Variants in PPARD observed in about 807,000 individuals in gnomAD.
PPARD encodes peroxisome proliferator-activated receptor delta.
PPARD carries 6 observed loss-of-function variants against 39.5 expected under a neutral mutation model. The observed-to-expected ratio is 0.15, with a 90% CI of 0.08 to 0.30. PPARD has a LOEUF of 0.30. Ranked by LOEUF, PPARD falls within the 10% of genes least tolerant of loss-of-function variation. The pLI, the probability that PPARD is intolerant of heterozygous loss-of-function variation, is 1.00. For synonymous variants in PPARD, 210 were observed against 231.3 expected (o/e 0.91, Z 0.83); for missense variants, 397 against 596.8 (o/e 0.67, Z 3.49).
intron 2 of PPARD, among the ~76,000 whole-genome samples, chr6:35,395,371 G>A (rs551415264): frequency 2.4e-4 from 37 of 152,300 alleles, no homozygotes; most frequent in East Asian, 3.9e-4. Context: ...TTCTATTTCC[G>A]TAAGCACAGG....
At chr6:35,387,716 CTTTTTTTT>C (rs61314141) in intron 2 of PPARD, among the ~76,000 whole-genome samples, 1 of 89,356 alleles carries the variant, frequency 1.1e-5, no homozygotes, top group African/African-American at 5.0e-5. Context: ...ACACTGCATT[CTTTTTTTT>C]TTTTTTTTTT....
At position 35,420,128 on chromosome 6, in the gene PPARD, C is replaced by T; in HGVS notation, c.132C>T (p.Asp44=). 3.7e-6 allele frequency: 6 copies of T among 1,612,248 alleles called. No homozygotes were observed. The highest frequency in any genetic ancestry group is 5.1e-6 in the Non-Finnish European group (6 of 1,179,686). Residue 44 remains aspartate, a splice_region_variant and synonymous_variant, in exon 4 of 8, where the codon GAC becomes GAT. Transcript: ENST00000360694. ...QHALPSSSYT[D]LSRSSSPPSL... ...TGCCCCTCCATCGTGTGTCCGCAGACCTCTCCCGGAGCTCCTCGCCACCCT... is the reference window on the plus strand; with the variant it reads ...TGCCCCTCCATCGTGTGTCCGCAGATCTCTCCCGGAGCTCCTCGCCACCCT...
chr6:35,424,716 A>G lies in PPARD; in HGVS notation c.1015A>G (p.Asn339Asp). The change falls in exon 7 of 8, where the codon AAC becomes GAC. Residue 339 changes from asparagine to aspartate, a missense_variant. Physicochemically the swap from Asn to Asp is conservative, Grantham distance 23. Coordinates refer to ENST00000360694, the MANE Select transcript of PPARD (RefSeq NM_006238.5). This position sits in a 1 kb window ranked among gnomAD's most constrained non-coding sequence, Gnocchi z 7.1. The stretch of plus-strand genomic sequence containing the variant: ...TAAGTTTGAATTTGCTGTCAAGTTC[A>G]ACGCCCTGGAACTTGATGACAGTGA... ...EPKFEFAVKF[N>D]ALELDDSDLA... 2 of 1,614,242 alleles carry G rather than the reference A, an allele frequency of 1.2e-6. No homozygotes were observed. Among genetic ancestry groups the G allele is most frequent in the Non-Finnish European group, 1.7e-6 (2 of 1,180,046 alleles).
intron 2 of PPARD, among the ~76,000 whole-genome samples, chr6:35,390,673 T>C (rs1763954157): frequency 6.9e-6 from 1 of 145,692 alleles, no homozygotes; most frequent in African/African-American, 2.5e-5. Flanking sequence ...GGTGTTTCTG[T>C]AAAAAAAAAA....
At chr6:35,418,026 G>C (rs1765887869) in intron 3 of PPARD, among the ~76,000 whole-genome samples, 1 of 152,146 alleles carries the variant, frequency 6.6e-6, no homozygotes. Context: ...GGCACCTCCA[G>C]GAGGTGTGAA....
At chr6:35,350,606 A>G (rs927848541) in intron 2 of PPARD, among the ~76,000 whole-genome samples, 3 of 127,856 alleles carry the variant, frequency 2.3e-5, no homozygotes, top group Admixed American at 7.8e-5. Flanking sequence ...CCATTGGTCT[A>G]TGTGTCTTTT....
At chr6:35,351,649 G>A (rs1402757215) in intron 2 of PPARD, among the ~76,000 whole-genome samples, 1 of 151,866 alleles carries the variant, frequency 6.6e-6, no homozygotes, top group Non-Finnish European at 1.5e-5. Flanking sequence ...CAACTTCTGG[G>A]CTCAAGTAAT....
chr6:35,399,986 A>G (rs1764599285), intron 2 of PPARD, among the ~76,000 whole-genome samples: 1 of 152,068 alleles, frequency 6.6e-6, no homozygotes. Context: ...GTGTTTTCCT[A>G]TAAGGGGAAG....
chr6:35,374,308 T>TGG (rs750412240), intron 2 of PPARD, among the ~76,000 whole-genome samples: 3,414 of 124,058 alleles, frequency 0.028, 140 homozygotes, highest in African/African-American at 0.11. Context: ...TTCTCGGCGG[T>TGG]GGGGCGGGGG....
Position 35,426,318 on chromosome 6 carries a change from C to A in PPARD, c.*239C>A. ...CTCTTTCTCAGTTCCTCTTTCTTTT[C>A]TAATTCCTGTTGCTCTGTTTCTTCC... On this transcript the variant is annotated 3_prime_UTR_variant, in exon 8 of 8. Coordinates refer to ENST00000360694, the MANE Select transcript of PPARD (RefSeq NM_006238.5). 3.4e-6 allele frequency: 2 copies of A among 581,178 alleles called. No homozygotes were observed. The highest frequency in any genetic ancestry group is 6.1e-6 in the Non-Finnish European group (2 of 330,122). 36.0% of individuals were successfully genotyped at this position (581,178 alleles called of 1,614,324 possible).
At chr6:35,374,462 C>T (rs1762681577) in intron 2 of PPARD, among the ~76,000 whole-genome samples, 2 of 151,878 alleles carry the variant, frequency 1.3e-5, no homozygotes, top group South Asian at 2.1e-4. Context: ...TTGAGACCAT[C>T]CTGGCTAACA....
intron 2 of PPARD, among the ~76,000 whole-genome samples, chr6:35,408,167 T>C (rs892217499): frequency 6.6e-6 from 1 of 152,294 alleles, no homozygotes; most frequent in African/African-American, 2.4e-5. Flanking sequence ...CTAGGCATAG[T>C]ATTCCTGTTC....
At chr6:35,373,407 C>T (rs1762607448) in intron 2 of PPARD, among the ~76,000 whole-genome samples, 1 of 152,240 alleles carries the variant, frequency 6.6e-6, no homozygotes, top group South Asian at 2.1e-4. Context: ...GTGTTAAGTG[C>T]CTTGATGCCA....
At chr6:35,358,272 G>A (rs564670703) in intron 2 of PPARD, among the ~76,000 whole-genome samples, 3 of 152,290 alleles carry the variant, frequency 2.0e-5, no homozygotes, top group East Asian at 1.9e-4. Flanking sequence ...TGCAACGAAC[G>A]TAGCTTTGGA....
intron 5 of PPARD, among the ~76,000 whole-genome samples, chr6:35,422,934 G>A (rs931659642): frequency 6.6e-6 from 1 of 151,744 alleles, no homozygotes; most frequent in African/African-American, 2.4e-5. Context: ...AAAAAGAAAA[G>A]TGGCCAGGTG....
intron 2 of PPARD, among the ~76,000 whole-genome samples, chr6:35,384,037 TGGG>T (rs1436749156): frequency 1.6e-5 from 2 of 128,800 alleles, no homozygotes; most frequent in South Asian, 2.5e-4. Flanking sequence ...GGGAGGGAGG[TGGG>T]GGGGTCAGCC....
chr6:35,364,724 G>GT (rs112971007), intron 2 of PPARD, among the ~76,000 whole-genome samples: 18,573 of 141,604 alleles, frequency 0.13, 1,595 homozygotes, highest in African/African-American at 0.25. Context: ...TTTTTTGTTT[G>GT]TTTTTTTTTT....
intron 4 of PPARD, among the ~76,000 whole-genome samples, chr6:35,421,545 G>A (rs979380571): frequency 6.6e-6 from 1 of 150,688 alleles, no homozygotes; most frequent in African/African-American, 2.4e-5. Context: ...TCACCATGTT[G>A]GCCAGGCTGG....
At chr6:35,347,545 A>T (rs1208455407) in intron 2 of PPARD, among the ~76,000 whole-genome samples, 3 of 152,086 alleles carry the variant, frequency 2.0e-5, no homozygotes, top group Non-Finnish European at 4.4e-5. Flanking sequence ...GTGCCAGGCC[A>T]CAAAGATGGT....
Sources: allele counts gnomAD v4.1 joint callset (sites outside exome capture counted in the v4.1 genomes callset), GRCh38; gene constraint gnomAD v4.1.1; non-coding constraint Gnocchi (gnomAD v3.1); transcripts MANE v1.5; gene names NCBI Gene and HGNC (gene_info 2026-07-23, HGNC 2026-07-21).